Variants in CACFD1 observed in about 807,000 individuals in gnomAD.
The protein encoded by CACFD1 is calcium channel flower homolog.
A neutral mutation model predicts 21.3 loss-of-function variants in CACFD1; 26 were observed. The observed-to-expected ratio is 1.22, with a 90% CI of 0.89 to 1.69. The LOEUF (loss-of-function observed/expected upper bound fraction) is 1.69, where lower values mean the gene tolerates loss of function less well. Among genes scored for constraint, CACFD1 ranks in the 40% most tolerant of loss-of-function variants. The probability of loss-of-function intolerance (pLI) is 0.00; values close to 1 mark genes in which losing one functional copy is unlikely to be tolerated. For synonymous variants in CACFD1, 121 were observed against 106.6 expected, an observed-to-expected ratio of 1.13 and a Z score of -0.83; for missense variants, 265 against 236.2, an observed-to-expected ratio of 1.12 and a Z score of -0.80.
In CACFD1 at chr9:133,465,545, G is replaced by T; in HGVS notation, c.320+98G>T. On this transcript the variant is annotated intron_variant, in intron 3 of 4. Coordinates refer to ENST00000316948, the MANE Select transcript of CACFD1 (RefSeq NM_017586.5). This position sits in a 1 kb window ranked among gnomAD's most constrained non-coding sequence, Gnocchi z 5.0. ...CAGGTGAGGGTGGGCAGTGTATTCAGTTCCTCTCTGTGGAAGTGTAAACTG... is the reference window on the plus strand; with the variant it reads ...CAGGTGAGGGTGGGCAGTGTATTCATTTCCTCTCTGTGGAAGTGTAAACTG... The T allele has an allele frequency of 8.2e-7, 1 of 1,217,082 alleles. No homozygotes were observed. Among genetic ancestry groups the T allele is most frequent in the African/African-American group, 1.5e-5 (1 of 66,364 alleles). The allele number at this position is 1,217,082 out of a possible 1,614,324, so 75.4% of individuals were successfully genotyped here.
intron 3 of CACFD1, among the ~76,000 whole-genome samples, chr9:133,466,193 A>T (rs1297275169): frequency 1.3e-5 from 2 of 152,056 alleles, no homozygotes; most frequent in African/African-American, 4.8e-5. Context: ...AATCACGAAG[A>T]ACACAGGATC....
chr9:133,468,255 T>G, intron 4 of CACFD1: 2 of 1,447,228 alleles, frequency 1.4e-6, no homozygotes, highest in East Asian at 2.5e-5. Context: ...GCAGCAAGGA[T>G]AGCAAAAACA....
At chr9:133,466,237 T>G (rs1193265861) in intron 3 of CACFD1, among the ~76,000 whole-genome samples, 4 of 152,220 alleles carry the variant, frequency 2.6e-5, no homozygotes, top group African/African-American at 4.8e-5. Context: ...TGTCATGTCC[T>G]TAGGGGTTCA....
At chr9:133,464,046 C>T (rs1554799047) in intron 2 of CACFD1, among the ~76,000 whole-genome samples, 2 of 152,218 alleles carry the variant, frequency 1.3e-5, no homozygotes, top group East Asian at 1.9e-4. Context: ...GGAGTTGTCA[C>T]GGGAACCCGT....
intron 4 of CACFD1, 22 bp from the exon 5 acceptor site, chr9:133,468,538 TGAC>T: frequency 6.4e-7 from 1 of 1,559,944 alleles, no homozygotes; most frequent in Non-Finnish European, 8.7e-7. Flanking sequence ...GTGCTCCACG[TGAC>T]GCTGCCTCTC....
In CACFD1 at chr9:133,470,698, T is replaced by TCC. The variant is rs902370706; in HGVS notation, c.*2046_*2047dup. On this transcript the variant is annotated 3_prime_UTR_variant, in exon 5 of 5. Transcript: ENST00000316948. ...GGTCTGGGCTGTGTGTGGCGCCCTT[T>TCC]CCTCCTTGTTTGTTCCTCTGTGTTC... 2 of 152,570 alleles carry TCC rather than the reference T, an allele frequency of 1.3e-5. No individual in the cohort carries two copies. The highest frequency in any genetic ancestry group is 2.9e-5 in the Non-Finnish European group (2 of 68,294). The allele number at this position is 152,570 out of a possible 1,614,324, so 9.5% of individuals were successfully genotyped here.
rs1554800093 is a variant in CACFD1, at chr9:133,468,544, T to C, written c.429-19T>C. The C allele has an allele frequency of 1.9e-6, 3 of 1,563,864 alleles. No individual in the cohort carries two copies. The highest frequency in any genetic ancestry group is 2.7e-5 in the African/African-American group (2 of 74,268). Reference sequence around the variant, plus strand: ...ATGGGGCTGGTGCTCCACGTGACGCTGCCTCTCTCTCTCCCCAGGGGCGAT... The same window carrying C: ...ATGGGGCTGGTGCTCCACGTGACGCCGCCTCTCTCTCTCCCCAGGGGCGAT... On this transcript the variant is annotated intron_variant, in intron 4 of 4. Coordinates refer to ENST00000316948, the MANE Select transcript of CACFD1 (RefSeq NM_017586.5).
Position 133,460,078 on chromosome 9 carries a change from A to C in CACFD1, c.12A>C (p.Ser4=). Residue 4 remains serine (S), a synonymous_variant, in exon 1 of 5, where the codon TCA becomes TCC. Coordinates refer to ENST00000316948, the MANE Select transcript of CACFD1 (RefSeq NM_017586.5). MSS[S]GGAPGASASS... ...CTGACGGTGGCACCATGAGCAGCTC[A>C]GGTGGGGCGCCCGGGGCGTCCGCCA... is the stretch of plus-strand genomic sequence containing the variant. The C allele has an allele frequency of 1.9e-6, 3 of 1,564,038 alleles. No homozygotes were observed. The highest frequency in any genetic ancestry group is 1.2e-5 in the South Asian group (1 of 85,916).
chr9:133,461,889 C>T (rs1843232297), intron 1 of CACFD1: 1 of 985,398 alleles, frequency 1.0e-6, no homozygotes. Flanking sequence ...CGGGCTGGTC[C>T]TTGGGTAAGG....
chr9:133,460,471 C>CGGG (rs1554798194), intron 1 of CACFD1, among the ~76,000 whole-genome samples: 6 of 125,818 alleles, frequency 4.8e-5, no homozygotes, highest in South Asian at 2.6e-4. Context: ...GGCGGGGGGG[C>CGGG]GGCGGGGGCG....
intron 2 of CACFD1, 104 bp downstream of exon 2, chr9:133,463,659 CTTGT>C: frequency 5.8e-6 from 7 of 1,206,780 alleles, no homozygotes; most frequent in Non-Finnish European, 8.5e-6. Flanking sequence ...AGTGGGCATC[CTTGT>C]GGTTGCCATG....
Position 133,463,465 on chromosome 9 carries a change from C to G in CACFD1, c.122-18C>G, listed in dbSNP as rs368485036. ...GCCTGCCTCCCTGCTGACTCCTGCCCGTGTCTCTTGTTTCAAGCTTGCGCG... is the reference window on the plus strand; with the variant it reads ...GCCTGCCTCCCTGCTGACTCCTGCCGGTGTCTCTTGTTTCAAGCTTGCGCG... On this transcript the variant is annotated intron_variant, in intron 1 of 4. Coordinates refer to ENST00000316948, the MANE Select transcript of CACFD1 (RefSeq NM_017586.5). 9 of 1,613,882 alleles carry G rather than the reference C, an allele frequency of 5.6e-6. No homozygotes were observed. The highest frequency in any genetic ancestry group is 1.7e-5 in the Admixed American group (1 of 60,034).
intron 2 of CACFD1, 62 bp downstream of exon 2, chr9:133,463,617 TC>T (rs1843312026): frequency 1.3e-6 from 2 of 1,558,250 alleles, no homozygotes; most frequent in East Asian, 4.5e-5. Flanking sequence ...GCTGGGCACC[TC>T]CCGGGACAGA....
Position 133,460,089 on chromosome 9 carries a change from C to T in CACFD1, c.23C>T (p.Pro8Leu), listed in dbSNP as rs1554797904. The T allele has an allele frequency of 8.3e-6, 13 of 1,562,448 alleles. No homozygotes were observed. In the South Asian group the frequency reaches 1.5e-4, roughly 18 times the overall value. The change falls in exon 1 of 5, where the codon CCC (proline) becomes CTC (leucine). Residue 8 changes from proline (P) to leucine (L), a missense_variant. By Grantham distance (98) the Pro-to-Leu change is moderately conservative. Transcript: ENST00000316948. MSSSGGAPGASASSAPPA... is the reference protein window; with the variant it reads MSSSGGALGASASSAPPA... ...ACCATGAGCAGCTCAGGTGGGGCGC[C>T]CGGGGCGTCCGCCAGCTCTGCGCCG...
chr9:133,466,090 C>G (rs1199617691), intron 3 of CACFD1, among the ~76,000 whole-genome samples: 1 of 152,162 alleles, frequency 6.6e-6, no homozygotes, highest in African/African-American at 2.4e-5. Context: ...AGTCTAGATG[C>G]AAGCTTGCTT....
Position 133,468,574 on chromosome 9 carries a change from TCTC to T in CACFD1, c.443_445del (p.Ser148del), listed in dbSNP as rs782702801. ...CTCTCTCTCCCCAGGGGCGATGCGA[TCTC>T]CTATGCCAGGATCCAGCAGCAGAGG... On this transcript the variant is annotated inframe_deletion, in exon 5 of 5. Transcript: ENST00000316948. 11 of 1,584,402 alleles carry T rather than the reference TCTC, an allele frequency of 6.9e-6. No individual in the cohort carries two copies. The South Asian group carries it at 1.0e-4, about 15-fold the overall frequency.
chr9:133,467,858 A>C, intron 3 of CACFD1, 63 bp from the exon 4 acceptor site: 1 of 1,210,554 alleles, frequency 8.3e-7, no homozygotes, highest in South Asian at 1.2e-5. Context: ...GAGTCTGGGA[A>C]GCGGGGAAGG....
chr9:133,464,792 C>T (rs587698270), intron 2 of CACFD1, among the ~76,000 whole-genome samples: 3 of 152,318 alleles, frequency 2.0e-5, no homozygotes, highest in East Asian at 3.9e-4. Flanking sequence ...GGCCTGGGGC[C>T]GGTGGCATCA....
rs1843379534 is a variant in CACFD1 at position 133,465,071 on chromosome 9, C to T, written c.195-251C>T. On this transcript the variant is annotated intron_variant, in intron 2 of 4. Transcript: ENST00000316948. This position sits in a 1 kb window ranked among gnomAD's most constrained non-coding sequence, Gnocchi z 5.0. ...AGGGAAGCAGAAGCCCAGGGGCTTC[C>T]CTCTAGGAGTGTTCAGTTCAGCTGG... is the stretch of plus-strand genomic sequence containing the variant. 2 of 497,284 alleles carry T rather than the reference C, an allele frequency of 4.0e-6. No individual in the cohort carries two copies. Among genetic ancestry groups the T allele is most frequent in the Admixed American group, 7.4e-5 (2 of 27,106 alleles). 30.8% of individuals were successfully genotyped at this position (497,284 alleles called of 1,614,324 possible). A position where few individuals can be genotyped will look rare whatever the true frequency, so the allele number is the denominator to read the frequency against.
Sources: allele counts gnomAD v4.1 joint callset (sites outside exome capture counted in the v4.1 genomes callset), GRCh38; gene constraint gnomAD v4.1.1; non-coding constraint Gnocchi (gnomAD v3.1); transcripts MANE v1.5; gene names NCBI Gene and HGNC (gene_info 2026-07-23, HGNC 2026-07-21).